WDHD1: variants seen among roughly 807,000 people sequenced by gnomAD.
WDHD1 encodes the protein WD repeat and HMG-box DNA binding protein 1.
Under a neutral mutation model 135.4 loss-of-function variants are expected in WDHD1, and 111 were observed. That is an observed-to-expected ratio of 0.82 (90% CI 0.70 to 0.96). The LOEUF (loss-of-function observed/expected upper bound fraction) is 0.96. Among genes scored for constraint, WDHD1 ranks in the 40% least tolerant of loss-of-function variants. The pLI is 0.00. For synonymous variants in WDHD1, 434 were observed against 439.0 expected, an observed-to-expected ratio of 0.99 and a Z score of 0.14; for missense variants, 1,351 against 1,336.3, an observed-to-expected ratio of 1.01 and a Z score of -0.17.
Position 54,990,078 on chromosome 14 carries a change from T to C in WDHD1, c.1342-866A>G, listed in dbSNP as rs543115645. On this transcript the variant is annotated intron_variant, in intron 12 of 25. Coordinates refer to ENST00000360586, the MANE Select transcript of WDHD1 (RefSeq NM_007086.4). ...ATTAGTGCCAATATTTTATTTAACA[T>C]AACTATAAATAAAATATTGACACTA... is the stretch of plus-strand genomic sequence containing the variant. Among the ~76,000 whole-genome samples, 231 of 151,904 alleles carry C rather than the reference T, an allele frequency of 1.5e-3. 1 individual carries two copies. Among genetic ancestry groups the C allele is most frequent in the African/African-American group, 5.4e-3 (224 of 41,558 alleles).
chr14:54,955,281 CTATT>C (rs1295110525), intron 24 of WDHD1, among the ~76,000 whole-genome samples: 1 of 152,040 alleles, frequency 6.6e-6, no homozygotes, highest in Non-Finnish European at 1.5e-5. Flanking sequence ...CCCCATTAAA[CTATT>C]TAAAAACAAA....
intron 21 of WDHD1, among the ~76,000 whole-genome samples, chr14:54,958,438 T>A (rs955802262): frequency 1.3e-5 from 2 of 152,136 alleles, no homozygotes; most frequent in African/African-American, 2.4e-5. Flanking sequence ...TCCAGCCAAA[T>A]TTTTCCAAGA....
chr14:54,993,856 T>A (rs909407585), intron 11 of WDHD1, among the ~76,000 whole-genome samples: 8 of 152,226 alleles, frequency 5.3e-5, no homozygotes, highest in African/African-American at 1.9e-4. Context: ...ATTTCTAATA[T>A]GTAAATGACG....
At chr14:55,003,660 T>G (rs767938020) in intron 7 of WDHD1, among the ~76,000 whole-genome samples, 117 of 150,716 alleles carry the variant, frequency 7.8e-4, no homozygotes, top group Middle Eastern at 3.4e-3. Flanking sequence ...GCCTCCCAGG[T>G]TCAAGCAATT....
intron 2 of WDHD1, among the ~76,000 whole-genome samples, chr14:55,016,619 T>C (rs945591515): frequency 3.9e-5 from 6 of 152,210 alleles, no homozygotes; most frequent in Admixed American, 2.6e-4. Context: ...CCAAAACAAC[T>C]TTCTGAGGTG....
chr14:54,984,595 T>C (rs2041668133), intron 15 of WDHD1, 128 bp downstream of exon 15: 1 of 840,072 alleles, frequency 1.2e-6, no homozygotes, highest in Non-Finnish European at 1.6e-6. Flanking sequence ...AAAATAGAAA[T>C]TTAAAATATA....
chr14:55,021,345 A>G (rs59645597), intron 2 of WDHD1, among the ~76,000 whole-genome samples: 5,063 of 152,038 alleles, frequency 0.033, 269 homozygotes, highest in African/African-American at 0.11. Flanking sequence ...AGTAGTTAGG[A>G]AGAACTCATT....
At chr14:55,023,981 C>T (rs1018869115) in intron 2 of WDHD1, among the ~76,000 whole-genome samples, 2 of 151,996 alleles carry the variant, frequency 1.3e-5, no homozygotes, top group Non-Finnish European at 2.9e-5. Flanking sequence ...TGATAAAATA[C>T]GCTAGTATCT....
rs569496591 is a variant in WDHD1, at chr14:54,984,665, T to C, written c.1906+58A>G. ...ATAAAACAATGAAATAATTTTCTTC[T>C]TGAAGAATATCTAACACTTTATATT... On this transcript the variant is annotated intron_variant, in intron 15 of 25. Coordinates refer to ENST00000360586, the MANE Select transcript of WDHD1 (RefSeq NM_007086.4). The C allele has an allele frequency of 4.9e-5, 66 of 1,350,130 alleles. 3 individuals carry two copies. The Middle Eastern group carries it at 7.0e-3, about 144-fold the overall frequency. 83.6% of individuals were successfully genotyped at this position (1,350,130 alleles called of 1,614,324 possible).
At position 54,967,345 on chromosome 14, in the gene WDHD1, C is replaced by T. The variant is rs2041361010; in HGVS notation, c.2113G>A (p.Ala705Thr). ...SRFPPTLPRP[A>T]VAILSFKLPY... ...AGCTTAAAGGATAATATAGCAACAG[C>T]AGGGCGTGGAAGGGTTGGGGGAAAC... The change falls in exon 17 of 26, where the codon GCT becomes ACT. Residue 705 changes from alanine to threonine, a missense_variant. Ala to Thr is a moderately conservative substitution (Grantham distance 58). Transcript: ENST00000360586. 1 of 1,612,334 alleles carries T rather than the reference C, an allele frequency of 6.2e-7. No individual in the cohort carries two copies. Among genetic ancestry groups the T allele is most frequent in the Non-Finnish European group, 8.5e-7 (1 of 1,178,988 alleles).
intron 2 of WDHD1, among the ~76,000 whole-genome samples, chr14:55,017,343 T>C (rs2042277727): frequency 6.9e-6 from 1 of 144,946 alleles, no homozygotes; most frequent in Non-Finnish European, 1.6e-5. Context: ...AAAATCAATA[T>C]TCTTTTTTTT....
chr14:54,944,512 GAGTTTAA>G (rs767521295), intron 24 of WDHD1, 42 bp from the exon 25 acceptor site: 82 of 1,508,376 alleles, frequency 5.4e-5, no homozygotes, highest in Non-Finnish European at 6.8e-5. Context: ...ACTTAAGACA[GAGTTTAA>G]AGTGCCTCAT....
intron 2 of WDHD1, among the ~76,000 whole-genome samples, chr14:55,025,831 C>G (rs1159632433): frequency 6.6e-6 from 1 of 152,188 alleles, no homozygotes; most frequent in Non-Finnish European, 1.5e-5. Flanking sequence ...ACAGTATTGC[C>G]TCTGCTTACT....
At chr14:54,978,585 T>TA (rs10711872) in intron 16 of WDHD1, among the ~76,000 whole-genome samples, 191 of 142,944 alleles carry the variant, frequency 1.3e-3, no homozygotes, top group Middle Eastern at 3.6e-3. Context: ...ACCCTGGCTC[T>TA]AAAAAAAAAA....
At chr14:55,021,678 G>A (rs959465539) in intron 2 of WDHD1, among the ~76,000 whole-genome samples, 9 of 152,180 alleles carry the variant, frequency 5.9e-5, no homozygotes, top group African/African-American at 1.9e-4. Context: ...GAGCCACCGC[G>A]CCCAGCCATG....
At chr14:54,941,902 T>C (rs933801982) in intron 25 of WDHD1, among the ~76,000 whole-genome samples, 1 of 152,170 alleles carries the variant, frequency 6.6e-6, no homozygotes, top group African/African-American at 2.4e-5. Flanking sequence ...AATCTAAGCT[T>C]TGCTTATATT....
intron 7 of WDHD1, among the ~76,000 whole-genome samples, chr14:55,002,983 T>C (rs2042000162): frequency 6.6e-6 from 1 of 152,116 alleles, no homozygotes; most frequent in African/African-American, 2.4e-5. Flanking sequence ...CCTTCAAATA[T>C]CTTGAAAAAC....
chr14:54,948,406 CCCACT>C (rs1392963380), intron 24 of WDHD1, among the ~76,000 whole-genome samples: 1 of 152,156 alleles, frequency 6.6e-6, no homozygotes, highest in East Asian at 1.9e-4. Context: ...GAGATTATAT[CCCACT>C]CCTGGCTCAG....
At chr14:54,971,282 C>T (rs974129355) in intron 16 of WDHD1, among the ~76,000 whole-genome samples, 1 of 152,118 alleles carries the variant, frequency 6.6e-6, no homozygotes, top group Non-Finnish European at 1.5e-5. Flanking sequence ...AAAGAAACTA[C>T]CAAGAGTAAA....
Sources: gnomAD v4.1 joint callset for allele counts (sites outside exome capture counted in the v4.1 genomes callset) on GRCh38, gnomAD v4.1.1 for gene constraint, MANE v1.5 for transcripts, NCBI Gene and HGNC (gene_info 2026-07-23, HGNC 2026-07-21) for gene names.